Variants in SETD4 observed in about 807,000 individuals in gnomAD.
SETD4 encodes the protein SET domain-containing protein 4.
In SETD4, 46 loss-of-function variants were observed where a neutral mutation model predicts 58.3. That is an observed-to-expected ratio of 0.79 (90% CI 0.62 to 1.01). SETD4 has a LOEUF of 1.01. Ranked by LOEUF, SETD4 falls within the 50% of genes least tolerant of loss-of-function variation. SETD4 has a pLI of 0.00. For synonymous variants in SETD4, 190 were observed against 202.6 expected (o/e 0.94, Z 0.53); for missense variants, 490 against 523.3 (o/e 0.94, Z 0.62).
intron 4 of SETD4, among the ~76,000 whole-genome samples, chr21:36,048,769 G>T: frequency 6.9e-6 from 1 of 144,002 alleles, no homozygotes; most frequent in African/African-American, 2.6e-5. Flanking sequence ...CCAGGCTAGA[G>T]TGCAATGGCG....
At chr21:36,058,008 G>A (rs1479946423) in intron 2 of SETD4, among the ~76,000 whole-genome samples, 2 of 152,186 alleles carry the variant, frequency 1.3e-5, no homozygotes, top group Non-Finnish European at 2.9e-5. Context: ...CTTCAGACAG[G>A]GTTACCCTGA....
intron 1 of SETD4, chr21:36,059,627 G>A: frequency 1.7e-6 from 1 of 585,102 alleles, no homozygotes; most frequent in Non-Finnish European, 2.2e-6. Flanking sequence ...GGCGGAAGCT[G>A]CAGCTAGACG....
chr21:36,042,607 G>A (rs1019862652), intron 7 of SETD4: 6 of 152,032 alleles, frequency 3.9e-5, no homozygotes, highest in Non-Finnish European at 8.8e-5. Flanking sequence ...TAACAGCTTG[G>A]CCAAGTTTCT....
chr21:36,040,589 C>T lies in SETD4; in HGVS notation c.1050G>A (p.Leu350=). 1 of 1,613,752 alleles carries T rather than the reference C, an allele frequency of 6.2e-7. No homozygotes were observed. The highest frequency in any genetic ancestry group is 1.3e-5 in the African/African-American group (1 of 75,044). Reference sequence around the variant, plus strand: ...GTGAAACTTACAATTTCTCAGCTTCCAGACATAACAACTTAAGGGCTGTGA... The same window carrying T: ...GTGAAACTTACAATTTCTCAGCTTCTAGACATAACAACTTAAGGGCTGTGA... ...RLLTALKLLC[L]EAEKFTCWKK... The change falls in exon 9 of 12, where the codon CTG becomes CTA. Residue 350 remains leucine, a synonymous_variant. Transcript: ENST00000332131.
chr21:36,059,495 C>T (rs2065172450), intron 1 of SETD4: 1 of 156,444 alleles, frequency 6.4e-6, no homozygotes, highest in African/African-American at 2.4e-5. Context: ...CAAGACCAGC[C>T]TGGCCAACAT....
intron 10 of SETD4, among the ~76,000 whole-genome samples, chr21:36,037,669 T>C (rs1156756438): frequency 6.8e-6 from 1 of 147,612 alleles, no homozygotes; most frequent in South Asian, 2.2e-4. Context: ...AGAAAAAGCA[T>C]AGGTACTATG....
intron 10 of SETD4, chr21:36,036,641 C>A (rs1242255278): frequency 2.0e-6 from 2 of 975,844 alleles, no homozygotes; most frequent in Admixed American, 1.2e-4. Flanking sequence ...GGCATGTTTT[C>A]ATACGAATAA....
chr21:36,044,275 C>CT (rs1336866420), intron 6 of SETD4, among the ~76,000 whole-genome samples: 1 of 152,240 alleles, frequency 6.6e-6, no homozygotes, highest in African/African-American at 2.4e-5. Flanking sequence ...TGCCAATAAA[C>CT]TTTATCTGTA....
chr21:36,053,680 A>G, intron 3 of SETD4, 60 bp from the exon 4 acceptor site: 1 of 1,539,412 alleles, frequency 6.5e-7, no homozygotes, highest in Non-Finnish European at 9.0e-7. Flanking sequence ...TCCCAGAGAT[A>G]ACTATTATGG....
chr21:36,035,128 G>C lies in SETD4; in HGVS notation c.*865C>G, dbSNP rs1000184863. On this transcript the variant is annotated 3_prime_UTR_variant, in exon 12 of 12. Transcript: ENST00000332131. Reference sequence around the variant, plus strand: ...TAAGCGGCGTCCCCAGCACGGGCCTGAACAGGACCAGCAGCCCCTCCGTTA... The same window carrying C: ...TAAGCGGCGTCCCCAGCACGGGCCTCAACAGGACCAGCAGCCCCTCCGTTA... The C allele has an allele frequency of 1.3e-5, 2 of 152,294 alleles. No individual in the cohort carries two copies. Among genetic ancestry groups the C allele is most frequent in the Non-Finnish European group, 2.9e-5 (2 of 68,100 alleles). The allele number at this position is 152,294 out of a possible 1,614,324, so 9.4% of individuals were successfully genotyped here. A position where few individuals can be genotyped will look rare whatever the true frequency, so the allele number is the denominator to read the frequency against.
intron 4 of SETD4, chr21:36,051,523 G>C: frequency 8.1e-7 from 1 of 1,237,430 alleles, no homozygotes; most frequent in Non-Finnish European, 1.0e-6. Context: ...GAGAGTGGGA[G>C]ATAGACGAGA....
chr21:36,040,756 A>G, intron 8 of SETD4, 101 bp from the exon 9 acceptor site: 2 of 1,037,346 alleles, frequency 1.9e-6, no homozygotes, highest in Non-Finnish European at 3.0e-6. Flanking sequence ...AGAGGTTGCT[A>G]AATGTCATGT....
Position 36,038,159 on chromosome 21 carries a change from C to T in SETD4, c.1179G>A (p.Val393=). The T allele has an allele frequency of 6.2e-7, 1 of 1,610,288 alleles. No homozygotes were observed. The highest frequency in any genetic ancestry group is 8.5e-7 in the Non-Finnish European group (1 of 1,179,012). ...CYYFIEETNA[V]LQKVSHMKDE... ...TATTCTAGAAACATACCTTTTGAAG[C>T]ACAGCATTAGTCTCTTCTATGAAAT... is the stretch of plus-strand genomic sequence containing the variant. The change falls in exon 10 of 12, where the codon GTG becomes GTA. Residue 393 remains valine (V), a synonymous_variant. Coordinates refer to ENST00000332131, the MANE Select transcript of SETD4 (RefSeq NM_017438.5).
In SETD4 at chr21:36,045,979, A is replaced by G; in HGVS notation, c.329T>C (p.Leu110Pro). ...WKPPPSPLLA[L>P]CTFLVSEKHA... ...CTTTTCTGAAACTAAAAAGGTGCAC[A>G]GCGCCAGCAGAGGAGATGGAGGAGG... The change falls in exon 6 of 12, where the codon CTG becomes CCG. Residue 110 changes from leucine to proline, a missense_variant. Transcript: ENST00000332131. 1.2e-6 allele frequency: 2 copies of G among 1,614,046 alleles called. No homozygotes were observed. Among genetic ancestry groups the G allele is most frequent in the Non-Finnish European group, 1.7e-6 (2 of 1,179,998 alleles).
At chr21:36,039,664 G>C (rs2063951159) in intron 9 of SETD4, among the ~76,000 whole-genome samples, 1 of 152,220 alleles carries the variant, frequency 6.6e-6, no homozygotes, top group Admixed American at 6.5e-5. Context: ...CAGTTTTCCA[G>C]TGAACAAGGA....
At chr21:36,049,591 C>G (rs1010607875) in intron 4 of SETD4, among the ~76,000 whole-genome samples, 1 of 152,074 alleles carries the variant, frequency 6.6e-6, no homozygotes, top group African/African-American at 2.4e-5. Context: ...AAAAATCTTC[C>G]GGGATCAATT....
At chr21:36,048,611 A>G (rs1175612790) in intron 4 of SETD4, among the ~76,000 whole-genome samples, 1 of 152,190 alleles carries the variant, frequency 6.6e-6, no homozygotes, top group Admixed American at 6.5e-5. Context: ...CACAGCCCCA[A>G]CAAAAATGAA....
Position 36,041,896 on chromosome 21 carries a change from CAA to C in SETD4, c.902-10_902-9del. ...GATATTTAACAAGTATTTCTATATT[CAA>C]AAAAAAAAATCAGACTGTTAGGGCA... On this transcript the variant is annotated splice_polypyrimidine_tract_variant and intron_variant, in intron 7 of 11. Coordinates refer to ENST00000332131, the MANE Select transcript of SETD4 (RefSeq NM_017438.5). The C allele has an allele frequency of 5.1e-6, 6 of 1,181,116 alleles. No homozygotes were observed. Among genetic ancestry groups the C allele is most frequent in the Non-Finnish European group, 5.8e-6 (5 of 865,586 alleles). The allele number at this position is 1,181,116 out of a possible 1,614,324, so 73.2% of individuals were successfully genotyped here. A position where few individuals can be genotyped will look rare whatever the true frequency, so the allele number is the denominator to read the frequency against.
At chr21:36,056,845 AC>A (rs1300677502) in intron 3 of SETD4, among the ~76,000 whole-genome samples, 1 of 152,220 alleles carries the variant, frequency 6.6e-6, no homozygotes, top group African/African-American at 2.4e-5. Flanking sequence ...GATGTGAGCC[AC>A]CACGCCTGGC....
Sources: allele counts gnomAD v4.1 joint callset (sites outside exome capture counted in the v4.1 genomes callset), GRCh38; gene constraint gnomAD v4.1.1; transcripts MANE v1.5; gene names NCBI Gene and HGNC (gene_info 2026-07-23, HGNC 2026-07-21).